The following WDR86 variants were observed in gnomAD, a reference collection of about 807,000 sequenced individuals.
WDR86 encodes WD repeat domain 86.
A neutral mutation model predicts 36.5 loss-of-function variants in WDR86; 30 were observed. The ratio of observed to expected loss-of-function variants is 0.82; its 90% CI spans 0.61 to 1.11. The LOEUF (loss-of-function observed/expected upper bound fraction) is 1.11. WDR86 is among the 50% of genes most tolerant of loss of function. The pLI is 0.00. For synonymous variants in WDR86, 255 were observed against 252.9 expected, an observed-to-expected ratio of 1.01 and a Z score of -0.08; for missense variants, 545 against 561.2, an observed-to-expected ratio of 0.97 and a Z score of 0.29.
At chr7:151,402,411 A>C (rs751840464) in intron 1 of WDR86, among the ~76,000 whole-genome samples, 2 of 152,110 alleles carry the variant, frequency 1.3e-5, no homozygotes, top group Non-Finnish European at 2.9e-5. Flanking sequence ...ACACAGAGAC[A>C]ATGAAACACA....
Position 151,390,044 on chromosome 7 carries a change from G to C in WDR86, c.727-4821C>G, listed in dbSNP as rs1799299605. Among the ~76,000 whole-genome samples the C allele has an allele frequency of 6.6e-6, 1 of 152,124 alleles. No individual in the cohort carries two copies. Among genetic ancestry groups the C allele is most frequent in the Non-Finnish European group, 1.5e-5 (1 of 68,006 alleles). On this transcript the variant is annotated intron_variant, in intron 3 of 5. Transcript: ENST00000334493. The surrounding 1 kb of genome is among the most constrained non-coding windows in gnomAD (Gnocchi z 4.5). The stretch of plus-strand genomic sequence containing the variant: ...CAGCAGAGCACTGAGGCAGAGTGAG[G>C]GCCCCAGGCAGGCCATGAGGCAGGG...
chr7:151,374,470 G>A (rs1295460390), downstream of WDR86: 5 of 617,820 alleles, frequency 8.1e-6, no homozygotes, highest in Non-Finnish European at 1.4e-5. Context: ...AAAACGTGGT[G>A]CCTGTCCACA....
Position 151,388,146 on chromosome 7 carries a change from C to T in WDR86, c.727-2923G>A, listed in dbSNP as rs1428690059. Among the ~76,000 whole-genome samples the T allele has an allele frequency of 6.6e-6, 1 of 152,250 alleles. No homozygotes were observed. The highest frequency in any genetic ancestry group is 1.9e-4 in the East Asian group (1 of 5,200). ...CAGAGACTGCCCCACGACATCCTTG[C>T]TGTGGTCCCCACCACCTCGGGCTCC... is the stretch of plus-strand genomic sequence containing the variant. On this transcript the variant is annotated intron_variant, in intron 3 of 5. Coordinates refer to ENST00000334493, the MANE Select transcript of WDR86 (RefSeq NM_198285.3). This position sits in a 1 kb window ranked among gnomAD's most constrained non-coding sequence, Gnocchi z 4.2.
rs1402386138 is a variant in WDR86 at position 151,405,366 on chromosome 7, T to C, written c.163+4061A>G. Among the ~76,000 whole-genome samples, 1 of 152,118 alleles carries C rather than the reference T, an allele frequency of 6.6e-6. No homozygotes were observed. Among genetic ancestry groups the C allele is most frequent in the East Asian group, 1.9e-4 (1 of 5,174 alleles). Reference sequence around the variant, plus strand: ...CCTCTCAGCTGTTTCCAGGATGCAGTGGCTGCGTCCCCGACTCAGGCCCAG... The same window carrying C: ...CCTCTCAGCTGTTTCCAGGATGCAGCGGCTGCGTCCCCGACTCAGGCCCAG... On this transcript the variant is annotated intron_variant, in intron 1 of 5. Transcript: ENST00000334493. This position sits in a 1 kb window ranked among gnomAD's most constrained non-coding sequence, Gnocchi z 4.7.
rs894901914 is a variant in WDR86 at position 151,381,609 on chromosome 7, G to T, written c.1104C>A (p.Cys368Ter). ...AGGCCGGCTGCAGGGGCGCGGCGGC[G>T]CAGCCCACCTTGTTGCTGAAGAGCC... ...LSRLFSNKVG[C>*]AAAPLQPA Residue 368 changes from cysteine to a stop codon, truncating the protein, a stop_gained, in exon 6 of 6, where the codon TGC becomes TGA. Transcript: ENST00000334493. LOFTEE classifies it high-confidence loss of function. This position sits in a 1 kb window ranked among gnomAD's most constrained non-coding sequence, Gnocchi z 4.8. 32 of 1,373,836 alleles carry T rather than the reference G, an allele frequency of 2.3e-5. No homozygotes were observed. The highest frequency in any genetic ancestry group is 3.0e-5 in the Non-Finnish European group (32 of 1,074,252). 85.1% of individuals were successfully genotyped at this position (1,373,836 alleles called of 1,614,324 possible).
chr7:151,409,277 T>C lies in WDR86; in HGVS notation c.163+150A>G. On this transcript the variant is annotated intron_variant, in intron 1 of 5. Coordinates refer to ENST00000334493, the MANE Select transcript of WDR86 (RefSeq NM_198285.3). The surrounding 1 kb of genome is among the most constrained non-coding windows in gnomAD (Gnocchi z 5.2). ...TGCCGTGCGCTCAACAGCCAGATGCTGGGCCCAGACAAGCGCTCTTCCGCT... is the reference window on the plus strand; with the variant it reads ...TGCCGTGCGCTCAACAGCCAGATGCCGGGCCCAGACAAGCGCTCTTCCGCT... 7.7e-7 allele frequency: 1 copy of C among 1,304,296 alleles called. No individual in the cohort carries two copies. The highest frequency in any genetic ancestry group is 1.4e-5 in the South Asian group (1 of 71,218). The allele number at this position is 1,304,296 out of a possible 1,614,324, so 80.8% of individuals were successfully genotyped here.
chr7:151,386,981 C>T (rs561583009), intron 3 of WDR86, among the ~76,000 whole-genome samples: 11 of 152,320 alleles, frequency 7.2e-5, no homozygotes, highest in Admixed American at 2.0e-4. Context: ...TTCTTCGCAC[C>T]GCCCCCAGGG....
intron 2 of WDR86, among the ~76,000 whole-genome samples, chr7:151,397,192 GC>G (rs903481678): frequency 6.6e-6 from 1 of 152,182 alleles, no homozygotes; most frequent in African/African-American, 2.4e-5. Context: ...CAGGACCACG[GC>G]CGGCCCTGCT....
chr7:151,374,285 T>C, downstream of WDR86: 1 of 1,548,134 alleles, frequency 6.5e-7, no homozygotes, highest in Non-Finnish European at 8.7e-7. Context: ...CCCTGAGCAG[T>C]GGGTCCTGCC....
In WDR86 at chr7:151,385,177, T is replaced by C. The variant is rs780371487; in HGVS notation, c.773A>G (p.Lys258Arg). Residue 258 changes from lysine to arginine, a missense_variant, in exon 4 of 6, where the codon AAG becomes AGG. By Grantham distance (26) the Lys-to-Arg change is conservative. Coordinates refer to ENST00000334493, the MANE Select transcript of WDR86 (RefSeq NM_198285.3). Reference protein sequence around the residue: ...VYSGSADRTVKCWLADTGECV... With the variant: ...VYSGSADRTVRCWLADTGECV... ...CTCCCCTGTGTCTGCCAGCCAGCAC[T>C]TGACGGTCCTGTCCGCGCTGCCAGA... 3.1e-6 allele frequency: 5 copies of C among 1,613,138 alleles called. No individual in the cohort carries two copies. The Admixed American group carries it at 8.3e-5, about 27-fold the overall frequency.
chr7:151,379,738 T>G (rs1216934553), downstream of WDR86, among the ~76,000 whole-genome samples: 2 of 152,202 alleles, frequency 1.3e-5, no homozygotes, highest in African/African-American at 4.8e-5. Context: ...ACTGGGTTTC[T>G]CTGGATGGCT....
downstream of WDR86, among the ~76,000 whole-genome samples, chr7:151,373,404 C>A (rs1798047820): frequency 6.6e-6 from 1 of 152,190 alleles, no homozygotes; most frequent in African/African-American, 2.4e-5. Flanking sequence ...TCCTGATTGG[C>A]CCTGGGTGGG....
chr7:151,410,058 G>C (rs1801101824), upstream of WDR86: 1 of 986,826 alleles, frequency 1.0e-6, no homozygotes, highest in African/African-American at 1.7e-5. Context: ...CTCCTCCTCA[G>C]AGACCACCCC....
chr7:151,384,695 C>G (rs2150754015), intron 4 of WDR86, among the ~76,000 whole-genome samples: 1 of 152,352 alleles, frequency 6.6e-6, no homozygotes, highest in East Asian at 1.9e-4. Flanking sequence ...CCACAGCTAC[C>G]TGGATTTTCT....
chr7:151,377,326 G>T, downstream of WDR86: 1 of 823,452 alleles, frequency 1.2e-6, no homozygotes, highest in Non-Finnish European at 1.8e-6. Flanking sequence ...TGAATTACAA[G>T]TCCTCTTTGG....
At position 151,387,782 on chromosome 7, in the gene WDR86, G is replaced by A. The variant is rs535416475; in HGVS notation, c.727-2559C>T. Among the ~76,000 whole-genome samples, 12 of 152,340 alleles carry A rather than the reference G, an allele frequency of 7.9e-5. No homozygotes were observed. In the East Asian group the frequency reaches 1.9e-3, roughly 24 times the overall value. On this transcript the variant is annotated intron_variant, in intron 3 of 5. Transcript: ENST00000334493. Reference sequence around the variant, plus strand: ...CTCCCAAGCAAGAGTGTCGGGGGACGCACCACCTGCCTGGTGACAGCTGTG... The same window carrying A: ...CTCCCAAGCAAGAGTGTCGGGGGACACACCACCTGCCTGGTGACAGCTGTG...
In WDR86 at chr7:151,388,463, GCC is replaced by G. The variant is rs1799149753; in HGVS notation, c.727-3242_727-3241del. Among the ~76,000 whole-genome samples the G allele has an allele frequency of 6.6e-6, 1 of 151,450 alleles. No individual in the cohort carries two copies. The highest frequency in any genetic ancestry group is 2.4e-5 in the African/African-American group (1 of 41,086). ...GGAGAGGGCTGCCCTGCAGCGCAGG[GCC>G]ACCACAGACAGGGTGCCCCCTGGCT... On this transcript the variant is annotated intron_variant, in intron 3 of 5. Coordinates refer to ENST00000334493, the MANE Select transcript of WDR86 (RefSeq NM_198285.3). The surrounding 1 kb of genome is among the most constrained non-coding windows in gnomAD (Gnocchi z 4.2).
Position 151,381,766 on chromosome 7 carries a change from C to A in WDR86, c.967-20G>T, listed in dbSNP as rs751619133. On this transcript the variant is annotated intron_variant, in intron 5 of 5. Coordinates refer to ENST00000334493, the MANE Select transcript of WDR86 (RefSeq NM_198285.3). The surrounding 1 kb of genome is among the most constrained non-coding windows in gnomAD (Gnocchi z 4.8). ...GTGCACCTGCGGGCGCAGGGGCGGG[C>A]GTCACCGGTGACGCGGTAGGCGGGG... 7.2e-7 allele frequency: 1 copy of A among 1,392,470 alleles called. No individual in the cohort carries two copies. The highest frequency in any genetic ancestry group is 1.4e-5 in the South Asian group (1 of 72,934). The allele number at this position is 1,392,470 out of a possible 1,614,324, so 86.3% of individuals were successfully genotyped here.
chr7:151,405,929 AACAGGAACAGGATAG>A lies in WDR86; in HGVS notation c.163+3483_163+3497del, dbSNP rs564721689. On this transcript the variant is annotated intron_variant, in intron 1 of 5. Coordinates refer to ENST00000334493, the MANE Select transcript of WDR86 (RefSeq NM_198285.3). This position sits in a 1 kb window ranked among gnomAD's most constrained non-coding sequence, Gnocchi z 4.7. ...CACCTTCAGGCTGAGTCCCCTACTCAACAGGAACAGGATAGGATAGGTACTACCATTTTGGAAAAT... is the reference window on the plus strand; with the variant it reads ...CACCTTCAGGCTGAGTCCCCTACTCAGATAGGTACTACCATTTTGGAAAAT... Among the ~76,000 whole-genome samples, 83 of 152,346 alleles carry A rather than the reference AACAGGAACAGGATAG, an allele frequency of 5.4e-4. 5 individuals are homozygous for A. In the South Asian group the frequency reaches 0.017, roughly 31 times the overall value.
Sources: gnomAD v4.1 joint callset for allele counts (sites outside exome capture counted in the v4.1 genomes callset) on GRCh38, gnomAD v4.1.1 for gene constraint, Gnocchi (gnomAD v3.1) non-coding constraint, MANE v1.5 for transcripts, NCBI Gene and HGNC (gene_info 2026-07-23, HGNC 2026-07-21) for gene names.